Variants in EYS observed in about 807,000 individuals in gnomAD.
EYS encodes EGF-like photoreceptor maintenance factor.
EYS carries 250 observed loss-of-function variants against 282.1 expected under a neutral mutation model. The ratio of observed to expected loss-of-function variants is 0.89; its 90% CI spans 0.80 to 0.98. The LOEUF is 0.98. EYS is among the 50% of genes least tolerant of loss of function. The probability of loss-of-function intolerance (pLI) is 0.00; values close to 1 mark genes in which losing one functional copy is unlikely to be tolerated. For synonymous variants in EYS, 1,355 were observed against 1,282.9 expected, an observed-to-expected ratio of 1.06 and a Z score of -1.20; for missense variants, 4,016 against 3,709.0, an observed-to-expected ratio of 1.08 and a Z score of -2.15.
chr6:65,686,952 G>A lies in EYS; in HGVS notation c.-448+20183C>T, dbSNP rs1424055520. ...TTTAATGTTATAGGCTATTTAAATC[G>A]ATTTTATTAGAACACAAAAATGTTA... On this transcript the variant is annotated intron_variant, in intron 1 of 42. Coordinates refer to ENST00000503581, the MANE Select transcript of EYS (RefSeq NM_001142800.2). Among the ~76,000 whole-genome samples, 7 of 151,774 alleles carry A rather than the reference G, an allele frequency of 4.6e-5. No homozygotes were observed. The South Asian group carries it at 1.2e-3, about 27-fold the overall frequency.
chr6:64,728,238 GT>G (rs891460689), intron 22 of EYS, among the ~76,000 whole-genome samples: 6 of 151,534 alleles, frequency 4.0e-5, no homozygotes, highest in East Asian at 3.9e-4. Context: ...GAGTTACAGT[GT>G]TTTTTTGTTT....
At chr6:64,155,421 T>C (rs1774883793) in intron 31 of EYS, among the ~76,000 whole-genome samples, 1 of 151,636 alleles carries the variant, frequency 6.6e-6, no homozygotes, top group African/African-American at 2.4e-5. Flanking sequence ...CATGGATGCA[T>C]TTGTGATTTG....
intron 15 of EYS, among the ~76,000 whole-genome samples, chr6:64,917,222 C>T (rs1005686166): frequency 6.8e-6 from 1 of 148,124 alleles, no homozygotes; most frequent in Non-Finnish European, 1.5e-5. Flanking sequence ...GCATTCCAGC[C>T]TGGGTGACAG....
At chr6:65,589,605 CT>C (rs1765165134) in intron 2 of EYS, among the ~76,000 whole-genome samples, 1 of 151,784 alleles carries the variant, frequency 6.6e-6, no homozygotes. Context: ...GGACTTATCG[CT>C]GTATTGAAGG....
intron 22 of EYS, among the ~76,000 whole-genome samples, chr6:64,675,823 T>G (rs1769641199): frequency 6.6e-6 from 1 of 151,854 alleles, no homozygotes; most frequent in South Asian, 2.1e-4. Flanking sequence ...CTATGGTCTC[T>G]TAGAAAGTTA....
intron 31 of EYS, among the ~76,000 whole-genome samples, chr6:64,219,463 C>T (rs1766026399): frequency 6.6e-6 from 1 of 152,132 alleles, no homozygotes; most frequent in African/African-American, 2.4e-5. Context: ...ATTACTATCT[C>T]AATATAGATG....
chr6:64,410,775 T>C (rs970712265), intron 28 of EYS, among the ~76,000 whole-genome samples: 3 of 152,166 alleles, frequency 2.0e-5, no homozygotes, highest in African/African-American at 7.2e-5. Flanking sequence ...ATGGTCACCC[T>C]GATGTGTATA....
chr6:64,205,846 T>TACAC (rs1765595036), intron 31 of EYS, among the ~76,000 whole-genome samples: 2 of 86,308 alleles, frequency 2.3e-5, no homozygotes, highest in Non-Finnish European at 5.2e-5. Context: ...CACACACACA[T>TACAC]ATATATATAT....
At chr6:64,286,161 T>G (rs1461344399) in intron 30 of EYS, among the ~76,000 whole-genome samples, 1 of 152,186 alleles carries the variant, frequency 6.6e-6, no homozygotes, top group Non-Finnish European at 1.5e-5. Flanking sequence ...CCGACAGCAT[T>G]TCACATGTCC....
chr6:65,238,263 TATATA>T (rs893873078), intron 12 of EYS, among the ~76,000 whole-genome samples: 50 of 149,842 alleles, frequency 3.3e-4, no homozygotes, highest in Middle Eastern at 7.1e-3. Context: ...ATATAATATA[TATATA>T]ATATATGTAA....
chr6:64,225,471 T>C (rs1213895515), intron 31 of EYS, among the ~76,000 whole-genome samples: 1 of 151,888 alleles, frequency 6.6e-6, no homozygotes, highest in Non-Finnish European at 1.5e-5. Context: ...CATCCTTAAG[T>C]GTAGTAAAGG....
intron 22 of EYS, among the ~76,000 whole-genome samples, chr6:64,800,556 T>G (rs1433743173): frequency 7.4e-6 from 1 of 134,854 alleles, no homozygotes; most frequent in Non-Finnish European, 1.6e-5. Context: ...AATTTTTTTT[T>G]CCAAAGGAAG....
intron 22 of EYS, among the ~76,000 whole-genome samples, chr6:64,751,517 A>G (rs941039232): frequency 2.0e-5 from 3 of 152,196 alleles, no homozygotes; most frequent in Admixed American, 6.5e-5. Flanking sequence ...TGCCTGGTCC[A>G]GCTCCAGGCA....
chr6:64,798,613 T>TTA (rs1554204250), intron 22 of EYS, among the ~76,000 whole-genome samples: 1 of 148,614 alleles, frequency 6.7e-6, no homozygotes, highest in Non-Finnish European at 1.5e-5. Context: ...TCTGGTTTTT[T>TTA]TTTTTTTTTT....
intron 22 of EYS, among the ~76,000 whole-genome samples, chr6:64,747,207 T>C (rs1772583730): frequency 6.6e-6 from 1 of 152,214 alleles, no homozygotes; most frequent in African/African-American, 2.4e-5. Flanking sequence ...ATCATCTAGG[T>C]CCAGAGTAAT....
intron 26 of EYS, among the ~76,000 whole-genome samples, chr6:64,575,966 T>C (rs1298987951): frequency 6.6e-6 from 1 of 152,086 alleles, no homozygotes; most frequent in African/African-American, 2.4e-5. Context: ...ATATTATAGA[T>C]GAGCAAACTG....
At chr6:64,310,552 G>T (rs1490190089) in intron 29 of EYS, among the ~76,000 whole-genome samples, 4 of 152,154 alleles carry the variant, frequency 2.6e-5, no homozygotes, top group African/African-American at 4.8e-5. Flanking sequence ...ATACATAGAG[G>T]TGAACAACAT....
At chr6:63,970,156 A>T (rs1294296480) in intron 35 of EYS, among the ~76,000 whole-genome samples, 1 of 152,114 alleles carries the variant, frequency 6.6e-6, no homozygotes, top group African/African-American at 2.4e-5. Context: ...CAGGGCCCTG[A>T]CACCTGCAGA....
At chr6:64,855,000 C>T (rs966862058) in intron 19 of EYS, among the ~76,000 whole-genome samples, 4 of 151,898 alleles carry the variant, frequency 2.6e-5, no homozygotes, top group African/African-American at 9.7e-5. Context: ...TCACTATTGT[C>T]TTCTGGTTTA....
Sources: gnomAD v4.1 joint callset for allele counts (sites outside exome capture counted in the v4.1 genomes callset) on GRCh38, gnomAD v4.1.1 for gene constraint, MANE v1.5 for transcripts, NCBI Gene and HGNC (gene_info 2026-07-23, HGNC 2026-07-21) for gene names.